RORA: variants seen among roughly 807,000 people sequenced by gnomAD.
RORA encodes nuclear receptor ROR-alpha.
A neutral mutation model predicts 69.5 loss-of-function variants in RORA; 7 were observed. The observed-to-expected ratio is 0.10, with a 90% CI of 0.06 to 0.19. The LOEUF (loss-of-function observed/expected upper bound fraction) is 0.19, where lower values mean the gene tolerates loss of function less well. RORA is among the 10% of genes least tolerant of loss of function. RORA has a pLI of 1.00. For missense variants in RORA, 457 were observed against 663.0 expected, an observed-to-expected ratio of 0.69 and a Z score of 3.41; for synonymous variants, 261 against 240.8, an observed-to-expected ratio of 1.08 and a Z score of -0.78.
intron 1 of RORA, among the ~76,000 whole-genome samples, chr15:61,195,050 A>AT (rs1320645222): frequency 1.3e-5 from 2 of 151,862 alleles, no homozygotes; most frequent in East Asian, 3.9e-4. Flanking sequence ...ACCAATTATG[A>AT]TTTTTTTGTG....
intron 1 of RORA, among the ~76,000 whole-genome samples, chr15:60,875,907 A>G (rs1338762794): frequency 1.3e-5 from 2 of 152,134 alleles, no homozygotes; most frequent in African/African-American, 4.8e-5. Flanking sequence ...GCTCCAGTGG[A>G]CCACCCAAGG....
At chr15:60,870,276 T>G (rs978824280) in intron 1 of RORA, among the ~76,000 whole-genome samples, 14 of 152,182 alleles carry the variant, frequency 9.2e-5, no homozygotes, top group Admixed American at 9.2e-4. Flanking sequence ...AAACATCCTA[T>G]GCACAAATTA....
At chr15:60,729,912 A>C (rs2071408117) in intron 1 of RORA, among the ~76,000 whole-genome samples, 1 of 152,218 alleles carries the variant, frequency 6.6e-6, no homozygotes, top group Non-Finnish European at 1.5e-5. Flanking sequence ...TTTTTTAAAA[A>C]TTGCTAGATT....
At chr15:60,670,201 C>CTTTTTTT (rs60799050) in intron 2 of RORA, among the ~76,000 whole-genome samples, 4 of 126,110 alleles carry the variant, frequency 3.2e-5, no homozygotes, top group African/African-American at 3.3e-5. Flanking sequence ...TATCCTACCT[C>CTTTTTTT]TTTTTTTTTT....
intron 1 of RORA, among the ~76,000 whole-genome samples, chr15:60,707,633 G>A (rs2071083290): frequency 6.6e-6 from 1 of 152,122 alleles, no homozygotes; most frequent in Non-Finnish European, 1.5e-5. Context: ...AAAGTGCTGG[G>A]ATTACAGGCG....
intron 1 of RORA, among the ~76,000 whole-genome samples, chr15:60,852,410 G>T (rs572604540): frequency 6.6e-6 from 1 of 152,316 alleles, no homozygotes; most frequent in East Asian, 1.9e-4. Flanking sequence ...GTGCCTATAA[G>T]CTCCAGTCCC....
chr15:60,609,288 G>T (rs2069027751), intron 2 of RORA, among the ~76,000 whole-genome samples: 1 of 152,138 alleles, frequency 6.6e-6, no homozygotes, highest in African/African-American at 2.4e-5. Flanking sequence ...ATTTAGAAAA[G>T]AACCATGATT....
At chr15:60,714,147 G>A (rs1018219798) in intron 1 of RORA, among the ~76,000 whole-genome samples, 3 of 151,596 alleles carry the variant, frequency 2.0e-5, no homozygotes, top group Non-Finnish European at 2.9e-5. Context: ...TCCGCCTCCC[G>A]GATTCAAGCA....
intron 1 of RORA, among the ~76,000 whole-genome samples, chr15:60,773,813 C>T (rs1354959657): frequency 6.6e-6 from 1 of 152,140 alleles, no homozygotes; most frequent in East Asian, 1.9e-4. Context: ...GCTACCGGGC[C>T]AAGCAGACTT....
intron 1 of RORA, among the ~76,000 whole-genome samples, chr15:60,968,845 T>C (rs1466742529): frequency 6.6e-6 from 1 of 152,148 alleles, no homozygotes; most frequent in African/African-American, 2.4e-5. Context: ...TTGGCAAATG[T>C]ACCCATCATG....
chr15:61,014,679 C>A (rs1334432022), intron 1 of RORA, among the ~76,000 whole-genome samples: 1 of 151,382 alleles, frequency 6.6e-6, no homozygotes, highest in Non-Finnish European at 1.5e-5. Context: ...TATTCAAAAC[C>A]CAATATGACA....
chr15:61,206,948 C>T (rs944123586), intron 1 of RORA, among the ~76,000 whole-genome samples: 7 of 152,168 alleles, frequency 4.6e-5, no homozygotes, highest in African/African-American at 1.7e-4. Flanking sequence ...AACAGTCTAA[C>T]GCCTAAATTC....
intron 1 of RORA, among the ~76,000 whole-genome samples, chr15:61,039,495 C>A: frequency 6.6e-6 from 1 of 151,894 alleles, no homozygotes; most frequent in East Asian, 1.9e-4. Context: ...GCAGGCAGAT[C>A]ACGAGGTCAT....
intron 1 of RORA, among the ~76,000 whole-genome samples, chr15:60,946,925 G>A (rs974042108): frequency 1.4e-4 from 21 of 151,840 alleles, no homozygotes; most frequent in African/African-American, 4.6e-4. Flanking sequence ...CCCCGACCCC[G>A]TCTGGGAGGT....
intron 1 of RORA, among the ~76,000 whole-genome samples, chr15:60,770,313 C>A (rs948281606): frequency 5.9e-5 from 9 of 151,970 alleles, no homozygotes; most frequent in African/African-American, 2.2e-4. Flanking sequence ...TATGTCTGAT[C>A]TCCTTTTGTG....
At chr15:60,781,330 T>C (rs1193329525) in intron 1 of RORA, among the ~76,000 whole-genome samples, 1 of 152,130 alleles carries the variant, frequency 6.6e-6, no homozygotes, top group Non-Finnish European at 1.5e-5. Context: ...AGCAGTGCCT[T>C]TGAGGCCACA....
At chr15:61,036,947 A>ACTT (rs1262283970) in intron 1 of RORA, among the ~76,000 whole-genome samples, 3 of 152,046 alleles carry the variant, frequency 2.0e-5, no homozygotes, top group African/African-American at 7.3e-5. Context: ...GGGTATCTTC[A>ACTT]CTTTTAACAA....
intron 5 of RORA, among the ~76,000 whole-genome samples, chr15:60,508,242 G>C (rs2065576991): frequency 6.6e-6 from 1 of 152,116 alleles, no homozygotes; most frequent in Non-Finnish European, 1.5e-5. Context: ...ATAATCTATA[G>C]TCTACCTCAC....
chr15:60,809,825 CT>C (rs1278369896), intron 1 of RORA, among the ~76,000 whole-genome samples: 1 of 150,812 alleles, frequency 6.6e-6, no homozygotes, highest in Admixed American at 6.6e-5. Flanking sequence ...AACTTTTTTG[CT>C]TGCTTAATTT....
Sources: allele counts gnomAD v4.1 joint callset (sites outside exome capture counted in the v4.1 genomes callset), GRCh38; gene constraint gnomAD v4.1.1; transcripts MANE v1.5; gene names NCBI Gene and HGNC (gene_info 2026-07-23, HGNC 2026-07-21).